CNTNAP2: variants seen among roughly 807,000 people sequenced by gnomAD.
CNTNAP2 encodes contactin associated protein 2, also known as contactin-associated protein-like 2.
A neutral mutation model predicts 155.2 loss-of-function variants in CNTNAP2; 98 were observed. The ratio of observed to expected loss-of-function variants is 0.63; its 90% CI spans 0.54 to 0.75. The LOEUF is 0.75. Among genes scored for constraint, CNTNAP2 ranks in the 30% least tolerant of loss-of-function variants. The probability of loss-of-function intolerance (pLI) is 0.00; values close to 1 mark genes in which losing one functional copy is unlikely to be tolerated. For synonymous variants in CNTNAP2, 651 were observed against 631.2 expected, an observed-to-expected ratio of 1.03 and a Z score of -0.47; for missense variants, 1,727 against 1,688.1, an observed-to-expected ratio of 1.02 and a Z score of -0.40.
At chr7:148,277,414 G>C (rs116223230) in intron 21 of CNTNAP2, among the ~76,000 whole-genome samples, 1 of 152,024 alleles carries the variant, frequency 6.6e-6, no homozygotes. Context: ...AGTCTCTTTC[G>C]CATCCTCCGT....
chr7:148,046,809 G>T (rs560892840), intron 15 of CNTNAP2, among the ~76,000 whole-genome samples: 1 of 152,200 alleles, frequency 6.6e-6, no homozygotes, highest in African/African-American at 2.4e-5. Context: ...ATTAATGTAG[G>T]CCAACTGCTT....
At chr7:148,061,740 C>A (rs1169966052) in intron 15 of CNTNAP2, among the ~76,000 whole-genome samples, 1 of 151,918 alleles carries the variant, frequency 6.6e-6, no homozygotes, top group Non-Finnish European at 1.5e-5. Context: ...AAATATAAAT[C>A]ATCTATTCAG....
At chr7:147,618,792 T>G (rs1339932051) in intron 12 of CNTNAP2, among the ~76,000 whole-genome samples, 1 of 151,608 alleles carries the variant, frequency 6.6e-6, no homozygotes, top group African/African-American at 2.4e-5. Context: ...TTTTTTTCAC[T>G]GGTCATTTTC....
intron 1 of CNTNAP2, among the ~76,000 whole-genome samples, chr7:146,291,745 G>T (rs1007125967): frequency 2.0e-5 from 3 of 152,024 alleles, no homozygotes; most frequent in African/African-American, 7.2e-5. Flanking sequence ...AAAGCCAATA[G>T]ACTTACACAT....
chr7:146,711,042 G>T (rs1801058435), intron 1 of CNTNAP2, among the ~76,000 whole-genome samples: 1 of 151,636 alleles, frequency 6.6e-6, no homozygotes, highest in South Asian at 2.1e-4. Context: ...TGGCTCAGGT[G>T]CTGGGGAGAA....
intron 1 of CNTNAP2, among the ~76,000 whole-genome samples, chr7:146,469,791 G>A (rs944078546): frequency 2.7e-5 from 4 of 148,998 alleles, no homozygotes; most frequent in African/African-American, 7.4e-5. Context: ...GCCTCCCAAA[G>A]TGTGCTGGGA....
In CNTNAP2 at chr7:146,852,399, C is replaced by T. The variant is rs1794896434; in HGVS notation, c.402+12495C>T. Among the ~76,000 whole-genome samples, 3 of 152,082 alleles carry T rather than the reference C, an allele frequency of 2.0e-5. No homozygotes were observed. The South Asian group carries it at 6.2e-4, about 31-fold the overall frequency. ...TGCAATCATTTATTTACATTCAAAACTCCAAGGAAACATTTTCAGAATTAT... is the reference window on the plus strand; with the variant it reads ...TGCAATCATTTATTTACATTCAAAATTCCAAGGAAACATTTTCAGAATTAT... On this transcript the variant is annotated intron_variant, in intron 3 of 23. Transcript: ENST00000361727.
At chr7:146,616,811 C>CA (rs1285675870) in intron 1 of CNTNAP2, among the ~76,000 whole-genome samples, 1 of 150,448 alleles carries the variant, frequency 6.6e-6, no homozygotes. Context: ...CGGGTTTGCT[C>CA]AATCTCACTG....
At chr7:146,691,002 TAAAC>T (rs1176427717) in intron 1 of CNTNAP2, among the ~76,000 whole-genome samples, 2 of 152,118 alleles carry the variant, frequency 1.3e-5, no homozygotes, top group Non-Finnish European at 1.5e-5. Flanking sequence ...TTCTGGAAAA[TAAAC>T]AAGGTGTGCA....
At position 148,253,191 on chromosome 7, in the gene CNTNAP2, A is replaced by G. The variant is rs192588824; in HGVS notation, c.3382-13842A>G. 1.1e-4 allele frequency among the ~76,000 whole-genome samples: 17 copies of G among 152,258 alleles called. No individual in the cohort carries two copies. The East Asian group carries it at 1.2e-3, about 10-fold the overall frequency. On this transcript the variant is annotated intron_variant, in intron 20 of 23. Coordinates refer to ENST00000361727, the MANE Select transcript of CNTNAP2 (RefSeq NM_014141.6). ...TTCCATTTACCTTCTATTGTCTTCTACCATTCTTTTCCAAAACACATCCTA... is the reference window on the plus strand; with the variant it reads ...TTCCATTTACCTTCTATTGTCTTCTGCCATTCTTTTCCAAAACACATCCTA...
intron 1 of CNTNAP2, among the ~76,000 whole-genome samples, chr7:146,478,103 CAGAGTGTGGAGGTTT>C (rs1339378380): frequency 2.0e-5 from 3 of 152,044 alleles, no homozygotes; most frequent in African/African-American, 7.2e-5. Flanking sequence ...AGTTTTATGG[CAGAGTGTGGAGGTTT>C]AGTCTGAGTT....
intron 5 of CNTNAP2, among the ~76,000 whole-genome samples, chr7:147,110,186 A>G (rs1800847408): frequency 6.6e-6 from 1 of 152,032 alleles, no homozygotes; most frequent in African/African-American, 2.4e-5. Flanking sequence ...TGGCCTTCCA[A>G]AGTGCTGGGA....
chr7:147,034,393 G>T (rs1799106317), intron 3 of CNTNAP2, among the ~76,000 whole-genome samples: 1 of 152,280 alleles, frequency 6.6e-6, no homozygotes, highest in South Asian at 2.1e-4. Context: ...CAAACCCATA[G>T]GGAGAGCGTG....
chr7:146,207,637 G>GTTTTTTTTT (rs57881187), intron 1 of CNTNAP2, among the ~76,000 whole-genome samples: 3 of 122,358 alleles, frequency 2.5e-5, no homozygotes, highest in African/African-American at 3.0e-5. Context: ...ACAGGACTGT[G>GTTTTTTTTT]TTTTTTTTTT....
rs1369581896 is a variant in CNTNAP2, at chr7:147,987,954, C to T, written c.2383+9965C>T. ...AGATGATCCACCCCTCTCGGCCTCC[C>T]AAAGTGCTGGGATTACATGCATGAG... is the stretch of plus-strand genomic sequence containing the variant. On this transcript the variant is annotated intron_variant, in intron 15 of 23. Coordinates refer to ENST00000361727, the MANE Select transcript of CNTNAP2 (RefSeq NM_014141.6). 3.3e-5 allele frequency among the ~76,000 whole-genome samples: 5 copies of T among 152,154 alleles called. No individual in the cohort carries two copies. In the South Asian group the frequency reaches 6.2e-4, roughly 19 times the overall value.
At chr7:146,304,482 C>T (rs1219293647) in intron 1 of CNTNAP2, among the ~76,000 whole-genome samples, 1 of 152,034 alleles carries the variant, frequency 6.6e-6, no homozygotes, top group Non-Finnish European at 1.5e-5. Context: ...CAAAATCTCT[C>T]AGTGTTTGTT....
intron 9 of CNTNAP2, among the ~76,000 whole-genome samples, chr7:147,309,875 T>C (rs1795091494): frequency 6.6e-6 from 1 of 152,082 alleles, no homozygotes; most frequent in East Asian, 1.9e-4. Context: ...TAGCTTTTAA[T>C]ACAAAAAAAT....
intron 15 of CNTNAP2, among the ~76,000 whole-genome samples, chr7:148,050,791 T>A (rs903316669): frequency 6.6e-6 from 1 of 152,374 alleles, no homozygotes; most frequent in East Asian, 1.9e-4. Flanking sequence ...GTATTTTTAC[T>A]GTACTTTTTC....
intron 21 of CNTNAP2, among the ~76,000 whole-genome samples, chr7:148,301,306 A>AAAAAAATATATATAT: frequency 9.6e-6 from 1 of 103,870 alleles, no homozygotes; most frequent in African/African-American, 3.8e-5. Context: ...AAAAAAAAAA[A>AAAAAAATATATATAT]ATATATATAT....
Sources: allele counts gnomAD v4.1 joint callset (sites outside exome capture counted in the v4.1 genomes callset), GRCh38; gene constraint gnomAD v4.1.1; transcripts MANE v1.5; gene names NCBI Gene and HGNC (gene_info 2026-07-23, HGNC 2026-07-21).